The following FMN1 variants were observed in gnomAD, a reference collection of about 807,000 sequenced individuals.
FMN1 encodes formin-1.
FMN1 carries 110 observed loss-of-function variants against 132.4 expected under a neutral mutation model. The observed-to-expected ratio is 0.83, with a 90% CI of 0.71 to 0.97. FMN1 has a LOEUF of 0.97. Ranked by LOEUF, FMN1 falls within the 50% of genes least tolerant of loss-of-function variation. FMN1 has a pLI of 0.00. For synonymous variants in FMN1, 722 were observed against 651.7 expected, an observed-to-expected ratio of 1.11 and a Z score of -1.64; for missense variants, 1,792 against 1,705.3, an observed-to-expected ratio of 1.05 and a Z score of -0.90.
chr15:33,021,529 C>CA (rs1263436347), intron 6 of FMN1, among the ~76,000 whole-genome samples: 1 of 151,992 alleles, frequency 6.6e-6, no homozygotes, highest in Non-Finnish European at 1.5e-5. Context: ...GTTTAATACT[C>CA]AAAAAATTAG....
At chr15:33,168,329 C>T (rs1039334106) in intron 3 of FMN1, among the ~76,000 whole-genome samples, 2 of 152,210 alleles carry the variant, frequency 1.3e-5, no homozygotes, top group African/African-American at 4.8e-5. Context: ...ATATGGTTAA[C>T]AGATTGTGTT....
intron 7 of FMN1, among the ~76,000 whole-genome samples, chr15:32,974,438 T>A (rs1387131338): frequency 6.6e-6 from 1 of 152,196 alleles, no homozygotes; most frequent in Non-Finnish European, 1.5e-5. Context: ...ATAAGAAAGA[T>A]TCAAACTTAC....
chr15:32,946,529 ATAGCCTT>A (rs2061515312), intron 9 of FMN1, among the ~76,000 whole-genome samples: 3 of 152,232 alleles, frequency 2.0e-5, no homozygotes, highest in Admixed American at 6.5e-5. Flanking sequence ...CAACAAGGGA[ATAGCCTT>A]TAAGATATGA....
chr15:32,860,084 AG>A (rs1432998256), intron 16 of FMN1, among the ~76,000 whole-genome samples: 1 of 151,480 alleles, frequency 6.6e-6, no homozygotes, highest in Non-Finnish European at 1.5e-5. Context: ...GCAAAGGCAA[AG>A]GCAAGGCAAG....
chr15:33,012,583 G>A (rs1467484687), intron 6 of FMN1: 2 of 1,298,476 alleles, frequency 1.5e-6, no homozygotes, highest in Non-Finnish European at 2.2e-6. Flanking sequence ...TGACAACCAT[G>A]ACTCTGTGGA....
intron 17 of FMN1, among the ~76,000 whole-genome samples, chr15:32,821,478 G>A (rs1265451217): frequency 8.2e-6 from 1 of 121,366 alleles, no homozygotes; most frequent in African/African-American, 3.2e-5. Context: ...TTGAGATGGA[G>A]TCTTGCTCTG....
intron 12 of FMN1, 130 bp downstream of exon 12, chr15:32,908,360 G>GTCA (rs1432763606): frequency 1.4e-5 from 9 of 640,052 alleles, no homozygotes; most frequent in Non-Finnish European, 2.5e-5. Context: ...CATGCAACAG[G>GTCA]TCACAGGAAT....
At chr15:32,895,573 G>C (rs1386906329) in intron 15 of FMN1, among the ~76,000 whole-genome samples, 1 of 151,984 alleles carries the variant, frequency 6.6e-6, no homozygotes, top group Non-Finnish European at 1.5e-5. Context: ...TTGACTTAGA[G>C]ACCTTAAACA....
intron 4 of FMN1, among the ~76,000 whole-genome samples, chr15:33,136,380 G>C (rs899839420): frequency 2.0e-5 from 3 of 152,184 alleles, no homozygotes; most frequent in African/African-American, 7.2e-5. Flanking sequence ...CATATATACA[G>C]TCTACCCACG....
chr15:32,950,046 T>TACAC lies in FMN1; in HGVS notation c.3138+14060_3138+14061insGTGT, dbSNP rs1187208236. 2.0e-3 allele frequency among the ~76,000 whole-genome samples: 14 copies of TACAC among 7,144 alleles called. 4 individuals are homozygous for TACAC. The highest frequency in any genetic ancestry group is 3.4e-3 in the Non-Finnish European group (9 of 2,682). 4.7% of individuals were successfully genotyped at this position (7,144 alleles called of 152,430 possible). A position where few individuals can be genotyped will look rare whatever the true frequency, so the allele number is the denominator to read the frequency against. On this transcript the variant is annotated intron_variant, in intron 9 of 20. Transcript: ENST00000616417. ...ATATATATATATACACATATATATA[T>TACAC]ATATACACATATATATATATATATA...
intron 6 of FMN1, among the ~76,000 whole-genome samples, chr15:33,057,776 G>A (rs975321289): frequency 4.6e-5 from 7 of 152,010 alleles, no homozygotes; most frequent in Admixed American, 2.6e-4. Context: ...AAGTGCTTCC[G>A]AGTTTACCTA....
intron 19 of FMN1, among the ~76,000 whole-genome samples, chr15:32,796,577 TA>T (rs1567180259): frequency 6.6e-6 from 1 of 152,212 alleles, no homozygotes. Context: ...TATCATTAAA[TA>T]GATGTCAAAA....
At chr15:33,067,935 C>T (rs923579505) in intron 5 of FMN1, 55 of 1,549,150 alleles carry the variant, frequency 3.6e-5, no homozygotes, top group Middle Eastern at 1.8e-4. Context: ...CCTTCTCCTG[C>T]GCTCTCAGTT....
intron 19 of FMN1, among the ~76,000 whole-genome samples, chr15:32,786,166 T>C (rs1272530462): frequency 6.6e-6 from 1 of 152,146 alleles, no homozygotes; most frequent in Admixed American, 6.5e-5. Flanking sequence ...GAGTTCAGAA[T>C]CTCTCTAATA....
chr15:33,193,310 A>G (rs1177138277), intron 2 of FMN1, among the ~76,000 whole-genome samples: 1 of 152,192 alleles, frequency 6.6e-6, no homozygotes. Flanking sequence ...AGAGATTTGC[A>G]GTAAGCCCTA....
In FMN1 at chr15:32,895,176, GA is replaced by G. The variant is rs1267509272; in HGVS notation, c.3714+3657del. On this transcript the variant is annotated intron_variant, in intron 15 of 20. Coordinates refer to ENST00000616417, the MANE Select transcript of FMN1 (RefSeq NM_001277313.2). The stretch of plus-strand genomic sequence containing the variant: ...ACGTATTTCTAGGGCTGTTGATACA[GA>G]AAGGTTGAAAACCTTGCTTATGATC... 2.0e-5 allele frequency among the ~76,000 whole-genome samples: 3 copies of G among 152,154 alleles called. No individual in the cohort carries two copies. In the East Asian group the frequency reaches 5.8e-4, roughly 29 times the overall value.
chr15:33,086,318 A>T (rs569500627), intron 5 of FMN1, among the ~76,000 whole-genome samples: 2 of 31,246 alleles, frequency 6.4e-5, no homozygotes, highest in East Asian at 6.3e-4. Flanking sequence ...TTTTATGTTT[A>T]AAAAAAATCT....
At chr15:32,801,919 C>T (rs912870627) in intron 18 of FMN1, among the ~76,000 whole-genome samples, 2 of 152,214 alleles carry the variant, frequency 1.3e-5, no homozygotes, top group Non-Finnish European at 2.9e-5. Flanking sequence ...AGACTGTTGT[C>T]TTTCCTAGAC....
intron 13 of FMN1, 102 bp downstream of exon 13, chr15:32,901,809 T>G (rs1411762294): frequency 7.9e-6 from 7 of 882,798 alleles, no homozygotes; most frequent in Admixed American, 3.4e-5. Flanking sequence ...ACATACAATC[T>G]GAGTCCAAAA....
Sources: gnomAD v4.1 joint callset for allele counts (sites outside exome capture counted in the v4.1 genomes callset) on GRCh38, gnomAD v4.1.1 for gene constraint, MANE v1.5 for transcripts, NCBI Gene and HGNC (gene_info 2026-07-23, HGNC 2026-07-21) for gene names.